Variants in BRAT1 observed in about 807,000 individuals in gnomAD.
BRAT1 encodes the protein integrator complex assembly factor BRAT1.
In BRAT1, 74 loss-of-function variants were observed where a neutral mutation model predicts 70.6. That is an observed-to-expected ratio of 1.05 (90% CI 0.87 to 1.27). BRAT1 has a LOEUF of 1.27. BRAT1 is among the 50% of genes most tolerant of loss of function. BRAT1 has a pLI of 0.00. For missense variants in BRAT1, 1,203 were observed against 1,098.2 expected (o/e 1.10, Z -1.35); for synonymous variants, 615 against 517.1 (o/e 1.19, Z -2.57).
Position 2,541,744 on chromosome 7 carries a change from C to A in BRAT1, c.1108G>T (p.Ala370Ser). The A allele has an allele frequency of 1.2e-6, 2 of 1,610,692 alleles. No homozygotes were observed. The highest frequency in any genetic ancestry group is 1.7e-6 in the Non-Finnish European group (2 of 1,179,296). Residue 370 changes from alanine (A) to serine (S), a missense_variant, in exon 8 of 14, where the codon GCT becomes TCT. Physicochemically the swap from Ala to Ser is moderately conservative, Grantham distance 99. Coordinates refer to ENST00000340611, the MANE Select transcript of BRAT1 (RefSeq NM_152743.4). ...AGCGGCTGCAGCTCCTCCAGGTGAG[C>A]CAGGGTGCGGCACAGGAGGCCGGCG... ...SCAGLLCRTL[A>S]HLEELQPLPQ...
intron 2 of BRAT1, among the ~76,000 whole-genome samples, chr7:2,550,988 C>G (rs1042717097): frequency 2.0e-5 from 3 of 152,062 alleles, no homozygotes; most frequent in African/African-American, 7.2e-5. Context: ...CACTGTAACC[C>G]CAGCACTTTG....
rs747348694 is a variant in BRAT1 at position 2,539,170 on chromosome 7, A to G, written c.1770+9T>C. 3 of 1,585,912 alleles carry G rather than the reference A, an allele frequency of 1.9e-6. No individual in the cohort carries two copies. Among genetic ancestry groups the G allele is most frequent in the African/African-American group, 1.3e-5 (1 of 74,310 alleles). ...GGAGTTGCTGGCTGAGGAACCTGCC[A>G]CCTCCTACCTGCCGGGCCTCTGCAT... On this transcript the variant is annotated intron_variant, in intron 13 of 13. Coordinates refer to ENST00000340611, the MANE Select transcript of BRAT1 (RefSeq NM_152743.4).
At chr7:2,538,906 G>T (rs527806725) in intron 13 of BRAT1, 142 bp from the exon 14 acceptor site, 1 of 1,475,716 alleles carries the variant, frequency 6.8e-7, no homozygotes, top group African/African-American at 1.4e-5. Context: ...CCCATGCTGC[G>T]CAGTGAGCAC....
rs368232132 is a variant in BRAT1, at chr7:2,538,531, C to T, written c.2004G>A (p.Pro668=). ...ALVFLGQTLG[P]PRTHCPYAVA... ...CGGCATAGGGGCAGTGGGTACGCGG[C>T]GGCCCCAAAGTCTGGCCCAGGAACA... The change falls in exon 14 of 14, where the codon CCG becomes CCA. Residue 668 remains proline, a synonymous_variant. Transcript: ENST00000340611. The T allele has an allele frequency of 8.8e-5, 142 of 1,605,184 alleles. No individual in the cohort carries two copies. The highest frequency in any genetic ancestry group is 1.1e-4 in the Non-Finnish European group (129 of 1,178,666).
At position 2,543,146 on chromosome 7, in the gene BRAT1, C is replaced by G; in HGVS notation, c.923+58G>C. 1 of 1,500,568 alleles carries G rather than the reference C, an allele frequency of 6.7e-7. No homozygotes were observed. Among genetic ancestry groups the G allele is most frequent in the Non-Finnish European group, 8.9e-7 (1 of 1,123,850 alleles). 93.0% of individuals were successfully genotyped at this position (1,500,568 alleles called of 1,614,324 possible). On this transcript the variant is annotated intron_variant, in intron 6 of 13. Transcript: ENST00000340611. This position sits in a 1 kb window ranked among gnomAD's most constrained non-coding sequence, Gnocchi z 5.5. ...GCCATGAGGGCTGCGCTCTCAACCTCCCTGCCTGCCCCAGCTCCCAGCACC... is the reference window on the plus strand; with the variant it reads ...GCCATGAGGGCTGCGCTCTCAACCTGCCTGCCTGCCCCAGCTCCCAGCACC...
At chr7:2,553,241 G>C (rs2128414097) in intron 2 of BRAT1, among the ~76,000 whole-genome samples, 1 of 152,154 alleles carries the variant, frequency 6.6e-6, no homozygotes, top group Non-Finnish European at 1.5e-5. Context: ...ATGTTGGCCA[G>C]GCTGGTTTCG....
intron 10 of BRAT1, chr7:2,540,227 G>A (rs1779043046): frequency 4.0e-6 from 1 of 247,936 alleles, no homozygotes; most frequent in South Asian, 1.3e-4. Context: ...ATACTCCTGG[G>A]GCTAATTTTT....
intron 2 of BRAT1, among the ~76,000 whole-genome samples, chr7:2,550,486 A>T (rs1263006006): frequency 6.7e-6 from 1 of 148,210 alleles, no homozygotes; most frequent in African/African-American, 2.5e-5. Context: ...AAAAACAAAA[A>T]AAAAAAAAGA....
Position 2,538,158 on chromosome 7 carries a change from C to A in BRAT1, c.2377G>T (p.Asp793Tyr). 6.2e-7 allele frequency: 1 copy of A among 1,608,868 alleles called. No individual in the cohort carries two copies. The highest frequency in any genetic ancestry group is 8.5e-7 in the Non-Finnish European group (1 of 1,177,090). The change falls in exon 14 of 14, where the codon GAC becomes TAC. Residue 793 changes from aspartate (D) to tyrosine (Y), a missense_variant. Physicochemically the swap from Asp to Tyr is radical, Grantham distance 160. Coordinates refer to ENST00000340611, the MANE Select transcript of BRAT1 (RefSeq NM_152743.4). ...GLRSTLAESS[D>Y]HVEKSPQSLL... Reference sequence around the variant, plus strand: ...GACTGGGGACTCTTTTCCACGTGGTCGCTGCTCTCGGCCAGCGTGCTCCGC... The same window carrying A: ...GACTGGGGACTCTTTTCCACGTGGTAGCTGCTCTCGGCCAGCGTGCTCCGC...
In BRAT1 at chr7:2,543,467, G is replaced by C; in HGVS notation, c.803+123C>G. 1 of 1,479,174 alleles carries C rather than the reference G, an allele frequency of 6.8e-7. No individual in the cohort carries two copies. Among genetic ancestry groups the C allele is most frequent in the Non-Finnish European group, 8.9e-7 (1 of 1,118,198 alleles). 91.6% of individuals were successfully genotyped at this position (1,479,174 alleles called of 1,614,324 possible). A position where few individuals can be genotyped will look rare whatever the true frequency, so the allele number is the denominator to read the frequency against. On this transcript the variant is annotated intron_variant, in intron 5 of 13. Transcript: ENST00000340611. This position sits in a 1 kb window ranked among gnomAD's most constrained non-coding sequence, Gnocchi z 5.5. ...CCATGAGGGTTCCAGGGTCACCCCG[G>C]TGCCGCTTCACTGCAGGCCATGTCC...
rs1345677491 is a variant in BRAT1, at chr7:2,544,896, T to C, written c.430+13A>G. On this transcript the variant is annotated intron_variant, in intron 4 of 13. Transcript: ENST00000340611. ...GCAGGATGAGGAATGGGGTGGGGTG[T>C]GGGCGCACTCACCATGGTCGGCCAG... The C allele has an allele frequency of 1.9e-6, 3 of 1,548,664 alleles. No individual in the cohort carries two copies. The highest frequency in any genetic ancestry group is 3.9e-4 in the Middle Eastern group (2 of 5,080).
In BRAT1 at chr7:2,538,599, G is replaced by T. The variant is rs757399456; in HGVS notation, c.1936C>A (p.Leu646Met). Residue 646 changes from leucine to methionine, a missense_variant, in exon 14 of 14, where the codon CTG becomes ATG. By Grantham distance (15) the Leu-to-Met change is conservative. Transcript: ENST00000340611. Reference protein sequence around the residue: ...ATVLQAASRDLDWEVRAQGLE... With the variant: ...ATVLQAASRDMDWEVRAQGLE... The stretch of plus-strand genomic sequence containing the variant: ...CCCTGGGCGCGGACCTCCCAGTCCA[G>T]GTCTCGGCTCGCCGCCTGCAGCACA... The T allele has an allele frequency of 6.3e-7, 1 of 1,599,198 alleles. No homozygotes were observed. Among genetic ancestry groups the T allele is most frequent in the Non-Finnish European group, 8.5e-7 (1 of 1,179,002 alleles).
At chr7:2,542,033 T>G (rs986891529) in intron 7 of BRAT1, 87 bp downstream of exon 7, 2 of 1,313,502 alleles carry the variant, frequency 1.5e-6, no homozygotes. Context: ...GGGGCGGGGG[T>G]GGCGAGCCAG....
chr7:2,539,603 C>G lies in BRAT1; in HGVS notation c.1538G>C (p.Cys513Ser). ...GAGGGCGGAGTCCCTCACCTCCCAG[C>G]AGGGGTGGCACAGGCGTTTCTGCAG... Reference protein sequence around the residue: ...PVLQKRLCHPCWEVRDSALEF... With the variant: ...PVLQKRLCHPSWEVRDSALEF... Residue 513 changes from cysteine to serine, a missense_variant, in exon 12 of 14, where the codon TGC becomes TCC. By Grantham distance (112) the Cys-to-Ser change is moderately radical. Coordinates refer to ENST00000340611, the MANE Select transcript of BRAT1 (RefSeq NM_152743.4). The G allele has an allele frequency of 1.9e-6, 3 of 1,592,784 alleles. No homozygotes were observed. The highest frequency in any genetic ancestry group is 2.6e-6 in the Non-Finnish European group (3 of 1,169,030).
rs752089630 is a variant in BRAT1, at chr7:2,554,455, G to A, written c.-16-8C>T. The A allele has an allele frequency of 6.2e-7, 1 of 1,608,098 alleles. No homozygotes were observed. The highest frequency in any genetic ancestry group is 8.5e-7 in the Non-Finnish European group (1 of 1,178,174). On this transcript the variant is annotated splice_region_variant and splice_polypyrimidine_tract_variant and intron_variant, in intron 1 of 13. Coordinates refer to ENST00000340611, the MANE Select transcript of BRAT1 (RefSeq NM_152743.4). Reference sequence around the variant, plus strand: ...ATGGTGAGGCCGCAGGCCCTGCAAAGGCAATGTGAGAGCCAAACCTCAATG... The same window carrying A: ...ATGGTGAGGCCGCAGGCCCTGCAAAAGCAATGTGAGAGCCAAACCTCAATG...
rs1485274454 is a variant in BRAT1, at chr7:2,554,417, G to C, written c.15C>G (p.Cys5Trp). The C allele has an allele frequency of 6.2e-7, 1 of 1,613,324 alleles. No homozygotes were observed. MDPECAQLLPALCAV... is the reference protein window; with the variant it reads MDPEWAQLLPALCAV... ...CACAGAGAGCCGGGAGCAGCTGGGC[G>C]CATTCTGGGTCCATGGTGAGGCCGC... The change falls in exon 2 of 14, where the codon TGC becomes TGG. Residue 5 changes from cysteine to tryptophan, a missense_variant. Transcript: ENST00000340611.
In BRAT1 at chr7:2,539,658, A is replaced by T; in HGVS notation, c.1499-16T>A. 6.3e-7 allele frequency: 1 copy of T among 1,581,148 alleles called. No individual in the cohort carries two copies. The highest frequency in any genetic ancestry group is 8.6e-7 in the Non-Finnish European group (1 of 1,162,326). On this transcript the variant is annotated splice_polypyrimidine_tract_variant and intron_variant, in intron 11 of 13. Coordinates refer to ENST00000340611, the MANE Select transcript of BRAT1 (RefSeq NM_152743.4). The stretch of plus-strand genomic sequence containing the variant: ...GGGAACAGCTCTAGGGTGGGAAGGG[A>T]CAGGTCAGGGTGACCTTGGGGCCAG...
chr7:2,553,889 C>G (rs187396278), intron 2 of BRAT1, among the ~76,000 whole-genome samples: 1 of 151,560 alleles, frequency 6.6e-6, no homozygotes, highest in Non-Finnish European at 1.5e-5. Flanking sequence ...TTAAGCAATC[C>G]GCTCGCCTCA....
intron 4 of BRAT1, 92 bp from the exon 5 acceptor site, chr7:2,544,054 G>C: frequency 9.9e-7 from 1 of 1,011,590 alleles, no homozygotes; most frequent in Non-Finnish European, 1.3e-6. Flanking sequence ...ACAAATAGCA[G>C]AGGGCCCCCC....
Sources: allele counts gnomAD v4.1 joint callset (sites outside exome capture counted in the v4.1 genomes callset), GRCh38; gene constraint gnomAD v4.1.1; non-coding constraint Gnocchi (gnomAD v3.1); transcripts MANE v1.5; gene names NCBI Gene and HGNC (gene_info 2026-07-23, HGNC 2026-07-21).